The following AGBL1 variants were observed in gnomAD, a reference collection of about 807,000 sequenced individuals.
AGBL1 encodes the protein cytosolic carboxypeptidase 4.
Under a neutral mutation model 118.9 loss-of-function variants are expected in AGBL1, and 130 were observed. The ratio of observed to expected loss-of-function variants is 1.09; its 90% CI spans 0.95 to 1.26. The LOEUF is 1.26. Ranked by LOEUF, AGBL1 falls within the 50% of genes most tolerant of loss-of-function variation. The probability of loss-of-function intolerance (pLI) is 0.00; values close to 1 mark genes in which losing one functional copy is unlikely to be tolerated. For synonymous variants in AGBL1, 555 were observed against 478.9 expected, an observed-to-expected ratio of 1.16 and a Z score of -2.08; for missense variants, 1,584 against 1,298.1, an observed-to-expected ratio of 1.22 and a Z score of -3.38.
chr15:86,456,724 C>A (rs1245671688), intron 18 of AGBL1, among the ~76,000 whole-genome samples: 2 of 152,084 alleles, frequency 1.3e-5, no homozygotes, highest in East Asian at 3.9e-4. Flanking sequence ...AGAGCAAATA[C>A]AATTTAATGT....
intron 21 of AGBL1, among the ~76,000 whole-genome samples, chr15:86,648,002 G>A (rs765824010): frequency 6.6e-5 from 10 of 152,172 alleles, no homozygotes; most frequent in African/African-American, 1.4e-4. Context: ...CAGTGTGACT[G>A]ATCATAATAA....
chr15:86,923,163 A>G (rs2080497214), intron 23 of AGBL1, among the ~76,000 whole-genome samples: 1 of 152,240 alleles, frequency 6.6e-6, no homozygotes, highest in Non-Finnish European at 1.5e-5. Flanking sequence ...CTCTTACACC[A>G]GATAACTTTG....
At chr15:86,494,988 G>T (rs147361481) in intron 18 of AGBL1, among the ~76,000 whole-genome samples, 1 of 150,966 alleles carries the variant, frequency 6.6e-6, no homozygotes, top group Admixed American at 6.6e-5. Context: ...AAAGATTTAA[G>T]CCCCCTTTGA....
chr15:86,637,580 A>T (rs2085117657), intron 21 of AGBL1, among the ~76,000 whole-genome samples: 1 of 152,214 alleles, frequency 6.6e-6, no homozygotes, highest in African/African-American at 2.4e-5. Flanking sequence ...AATATTATGT[A>T]CAATATAAAG....
chr15:86,540,830 G>A (rs753222236), intron 19 of AGBL1, among the ~76,000 whole-genome samples: 5 of 152,146 alleles, frequency 3.3e-5, no homozygotes, highest in South Asian at 2.1e-4. Context: ...GAAACAAGCA[G>A]AACAATGTCT....
rs142570631 is a variant in AGBL1 at position 86,659,657 on chromosome 15, A to C, written c.2995-14616A>C. Among the ~76,000 whole-genome samples, 3 of 152,326 alleles carry C rather than the reference A, an allele frequency of 2.0e-5. No individual in the cohort carries two copies. The East Asian group carries it at 5.8e-4, about 29-fold the overall frequency. ...CTGATCAGGTTATGAACCTGATCATAACCTAATCTTTCTTAGGTAAGTAAG... is the reference window on the plus strand; with the variant it reads ...CTGATCAGGTTATGAACCTGATCATCACCTAATCTTTCTTAGGTAAGTAAG... On this transcript the variant is annotated intron_variant, in intron 21 of 22. Coordinates refer to ENST00000614907, the MANE Select transcript of AGBL1 (RefSeq NM_001386094.1).
chr15:86,379,548 A>G (rs1215447486), intron 17 of AGBL1, among the ~76,000 whole-genome samples: 1 of 152,204 alleles, frequency 6.6e-6, no homozygotes, highest in East Asian at 1.9e-4. Context: ...AACTAATTAC[A>G]TTGATTGGGC....
intron 22 of AGBL1, among the ~76,000 whole-genome samples, chr15:86,876,512 G>A (rs1293736600): frequency 1.3e-5 from 2 of 152,176 alleles, no homozygotes; most frequent in African/African-American, 4.8e-5. Flanking sequence ...AGTTCCTCTT[G>A]GGATTGGTTG....
At chr15:86,326,746 T>C (rs926573247) in intron 17 of AGBL1, among the ~76,000 whole-genome samples, 18 of 152,272 alleles carry the variant, frequency 1.2e-4, no homozygotes, top group African/African-American at 4.1e-4. Context: ...CTTAAATATC[T>C]GTCTGGAGCA....
At chr15:86,987,861 A>G in intron 23 of AGBL1, 1 of 1,045,800 alleles carries the variant, frequency 9.6e-7, no homozygotes, top group Non-Finnish European at 1.4e-6. Context: ...GTATCTTACT[A>G]TATATATCCT....
chr15:86,663,994 A>G lies in AGBL1; in HGVS notation c.2995-10279A>G, dbSNP rs79254739. ...GTTTTGCTGTCTGCTGTGGTCATTC[A>G]TGGTGTAGGGACAATTTCACCAATA... is the stretch of plus-strand genomic sequence containing the variant. On this transcript the variant is annotated intron_variant, in intron 21 of 22. Coordinates refer to ENST00000614907, the MANE Select transcript of AGBL1 (RefSeq NM_001386094.1). Among the ~76,000 whole-genome samples, 259 of 152,258 alleles carry G rather than the reference A, an allele frequency of 1.7e-3. 4 individuals are homozygous for G. In the East Asian group the frequency reaches 0.021, roughly 12 times the overall value.
chr15:86,115,869 C>T (rs749379613), intron 1 of AGBL1, among the ~76,000 whole-genome samples: 3 of 152,116 alleles, frequency 2.0e-5, no homozygotes. Flanking sequence ...ACATTTCAGC[C>T]TTCTGGGACA....
chr15:86,554,472 A>G lies in AGBL1; in HGVS notation c.2929A>G (p.Met977Val). 2.5e-6 allele frequency: 4 copies of G among 1,587,368 alleles called. No homozygotes were observed. Among genetic ancestry groups the G allele is most frequent in the Non-Finnish European group, 3.4e-6 (4 of 1,167,252 alleles). Residue 977 changes from methionine to valine, a missense_variant, in exon 21 of 23, where the codon ATG (methionine) becomes GTG (valine). Coordinates refer to ENST00000614907, the MANE Select transcript of AGBL1 (RefSeq NM_001386094.1). ...STARVVVWRE[M>V]GVSRSYTMES... ...GGCCCGGGTGGTGGTGTGGAGAGAG[A>G]TGGGGGTGTCCAGAAGCTACACCAT...
At chr15:86,878,083 G>A (rs1001495022) in intron 22 of AGBL1, among the ~76,000 whole-genome samples, 2 of 152,186 alleles carry the variant, frequency 1.3e-5, no homozygotes, top group African/African-American at 4.8e-5. Context: ...TCCACATGGA[G>A]TTTAGTAGCT....
intron 22 of AGBL1, among the ~76,000 whole-genome samples, chr15:86,762,840 TG>T (rs2078045675): frequency 6.6e-6 from 1 of 151,922 alleles, no homozygotes; most frequent in African/African-American, 2.4e-5. Context: ...GGAATATTTG[TG>T]GGATAGTTGA....
At chr15:86,708,835 C>A (rs1030034565) in intron 22 of AGBL1, among the ~76,000 whole-genome samples, 1 of 152,144 alleles carries the variant, frequency 6.6e-6, no homozygotes, top group Non-Finnish European at 1.5e-5. Context: ...TTCACAGCAT[C>A]TCCCTATAGC....
intron 17 of AGBL1, among the ~76,000 whole-genome samples, chr15:86,383,878 C>A (rs73453492): frequency 0.013 from 1,956 of 152,244 alleles, 46 homozygotes; most frequent in African/African-American, 0.043. Flanking sequence ...ACATATCTGA[C>A]CTGAGAGCAA....
chr15:86,470,912 A>G (rs2082471297), intron 18 of AGBL1, among the ~76,000 whole-genome samples: 1 of 152,116 alleles, frequency 6.6e-6, no homozygotes, highest in African/African-American at 2.4e-5. Context: ...ATTAGTTCCA[A>G]CAGTGTTTTG....
intron 6 of AGBL1, among the ~76,000 whole-genome samples, chr15:86,237,464 G>A (rs1379993915): frequency 6.6e-6 from 1 of 152,160 alleles, no homozygotes; most frequent in Non-Finnish European, 1.5e-5. Flanking sequence ...GGGGAGAAAG[G>A]AAGGTGAGGG....
Sources: gnomAD v4.1 joint callset for allele counts (sites outside exome capture counted in the v4.1 genomes callset) on GRCh38, gnomAD v4.1.1 for gene constraint, MANE v1.5 for transcripts, NCBI Gene and HGNC (gene_info 2026-07-23, HGNC 2026-07-21) for gene names.